SKAP1: variants seen among roughly 807,000 people sequenced by gnomAD.
SKAP1 encodes src kinase associated phosphoprotein 1.
Under a neutral mutation model 58.5 loss-of-function variants are expected in SKAP1, and 44 were observed. The observed-to-expected ratio is 0.75, with a 90% CI of 0.59 to 0.97. SKAP1 has a LOEUF of 0.97. SKAP1 is among the 50% of genes least tolerant of loss of function. SKAP1 has a pLI of 0.00. For missense variants in SKAP1, 390 were observed against 435.2 expected (o/e 0.90, Z 0.92); for synonymous variants, 127 against 149.7 (o/e 0.85, Z 1.11).
At chr17:48,216,935 T>C (rs1402142694) in intron 4 of SKAP1, among the ~76,000 whole-genome samples, 1 of 152,178 alleles carries the variant, frequency 6.6e-6, no homozygotes, top group Non-Finnish European at 1.5e-5. Flanking sequence ...ATTCTTCTAA[T>C]ACAAGAAGCA....
At chr17:48,242,873 T>C (rs1382880009) in intron 4 of SKAP1, among the ~76,000 whole-genome samples, 3 of 152,340 alleles carry the variant, frequency 2.0e-5, no homozygotes, top group Admixed American at 1.3e-4. Context: ...TTGGATTGGC[T>C]AGTCTATTGA....
At chr17:48,193,604 G>C (rs1278151231) in intron 4 of SKAP1, 6 of 808,954 alleles carry the variant, frequency 7.4e-6, no homozygotes, top group Non-Finnish European at 9.0e-6. Flanking sequence ...TGATCTATCT[G>C]ACAAATCCAA....
At position 48,271,936 on chromosome 17, in the gene SKAP1, C is replaced by T. The variant is rs78943513; in HGVS notation, c.280+73969G>A. On this transcript the variant is annotated intron_variant, in intron 4 of 12. Transcript: ENST00000336915. ...TGACTTCCTAAGTAAATTGACATCC[C>T]TCTTTTAAAAAAAACATGGAAGGGT... 3.3e-3 allele frequency among the ~76,000 whole-genome samples: 497 copies of T among 151,898 alleles called. 3 individuals are homozygous for T. Among genetic ancestry groups the T allele is most frequent in the African/African-American group, 0.012 (480 of 41,440 alleles).
At chr17:48,162,615 T>C (rs1182251248) in intron 10 of SKAP1, 46 bp from the exon 11 acceptor site, 2 of 1,479,692 alleles carry the variant, frequency 1.4e-6, no homozygotes, top group East Asian at 2.3e-5. Flanking sequence ...CTCTATTTTT[T>C]CCGAGGTACC....
intron 3 of SKAP1, among the ~76,000 whole-genome samples, chr17:48,347,063 A>T (rs2066732445): frequency 6.6e-6 from 1 of 152,182 alleles, no homozygotes; most frequent in African/African-American, 2.4e-5. Flanking sequence ...GAAGTGACTG[A>T]TGTTATTATG....
At chr17:48,171,385 C>T (rs996224330) in intron 9 of SKAP1, among the ~76,000 whole-genome samples, 4 of 151,932 alleles carry the variant, frequency 2.6e-5, no homozygotes, top group African/African-American at 9.7e-5. Flanking sequence ...GGATTACAGG[C>T]GTGAGCCACC....
intron 11 of SKAP1, among the ~76,000 whole-genome samples, chr17:48,152,426 A>T (rs553127520): frequency 6.6e-6 from 1 of 152,296 alleles, no homozygotes; most frequent in South Asian, 2.1e-4. Context: ...ACTCCTTTTA[A>T]ATAGGGCATC....
intron 2 of SKAP1, among the ~76,000 whole-genome samples, chr17:48,387,814 C>T (rs899529828): frequency 5.9e-5 from 9 of 152,068 alleles, no homozygotes; most frequent in Non-Finnish European, 1.2e-4. Flanking sequence ...TCAGAAATTA[C>T]CTTTCCTTTT....
chr17:48,427,396 T>A (rs990962186), intron 1 of SKAP1, among the ~76,000 whole-genome samples: 3 of 152,120 alleles, frequency 2.0e-5, no homozygotes, highest in Non-Finnish European at 4.4e-5. Flanking sequence ...TCACCCTGAG[T>A]CTCCCAACTT....
chr17:48,345,850 G>T (rs2066715047), intron 4 of SKAP1, 55 bp downstream of exon 4: 5 of 1,234,624 alleles, frequency 4.0e-6, no homozygotes, highest in African/African-American at 1.5e-5. Flanking sequence ...AAGATGTCAG[G>T]CCAGAAGATA....
At chr17:48,335,000 A>G (rs951791156) in intron 4 of SKAP1, among the ~76,000 whole-genome samples, 7 of 152,006 alleles carry the variant, frequency 4.6e-5, no homozygotes, top group African/African-American at 1.7e-4. Flanking sequence ...TTCCTAATTA[A>G]TATTTGATCA....
intron 4 of SKAP1, among the ~76,000 whole-genome samples, chr17:48,322,855 G>A (rs2144229883): frequency 6.6e-6 from 1 of 152,336 alleles, no homozygotes; most frequent in Non-Finnish European, 1.5e-5. Context: ...CAGCACGTTG[G>A]GAGGCCAAGG....
intron 4 of SKAP1, among the ~76,000 whole-genome samples, chr17:48,239,423 A>G (rs934928581): frequency 1.3e-5 from 2 of 152,212 alleles, no homozygotes; most frequent in Admixed American, 6.5e-5. Context: ...CACAGCATGA[A>G]GTTATGAGCT....
chr17:48,280,580 T>A (rs139125492), intron 4 of SKAP1, among the ~76,000 whole-genome samples: 9 of 152,098 alleles, frequency 5.9e-5, no homozygotes, highest in South Asian at 2.1e-4. Context: ...AATATATACA[T>A]ATATATATAG....
intron 4 of SKAP1, among the ~76,000 whole-genome samples, chr17:48,252,854 T>G (rs1298666336): frequency 6.6e-6 from 1 of 152,146 alleles, no homozygotes; most frequent in Non-Finnish European, 1.5e-5. Context: ...GTTTTCCTAA[T>G]TGCATCAGCT....
At chr17:48,203,411 C>T (rs1013493206) in intron 4 of SKAP1, among the ~76,000 whole-genome samples, 3 of 152,118 alleles carry the variant, frequency 2.0e-5, no homozygotes, top group East Asian at 1.9e-4. Context: ...ACATGCAGCT[C>T]GGTATTGCTG....
At chr17:48,303,171 G>T (rs1183447843) in intron 4 of SKAP1, among the ~76,000 whole-genome samples, 10 of 152,188 alleles carry the variant, frequency 6.6e-5, no homozygotes, top group Admixed American at 5.9e-4. Context: ...CTTGGCCAAA[G>T]AAATATTGGA....
chr17:48,291,456 C>T (rs990579245), intron 4 of SKAP1, among the ~76,000 whole-genome samples: 3 of 152,304 alleles, frequency 2.0e-5, no homozygotes, highest in South Asian at 4.1e-4. Flanking sequence ...TCCTATTGAA[C>T]AACAGCACCA....
At chr17:48,161,408 T>G (rs1188881008) in intron 11 of SKAP1, among the ~76,000 whole-genome samples, 1 of 152,248 alleles carries the variant, frequency 6.6e-6, no homozygotes, top group African/African-American at 2.4e-5. Flanking sequence ...GAGAGGACTT[T>G]TTAATAAGTG....
Sources: allele counts gnomAD v4.1 joint callset (sites outside exome capture counted in the v4.1 genomes callset), GRCh38; gene constraint gnomAD v4.1.1; transcripts MANE v1.5; gene names NCBI Gene and HGNC (gene_info 2026-07-23, HGNC 2026-07-21).